Variants in KIF13B observed in about 807,000 individuals in gnomAD.
KIF13B encodes kinesin family member 13B, also known as kinesin-like protein KIF13B.
In KIF13B, 127 loss-of-function variants were observed where a neutral mutation model predicts 222.0. The ratio of observed to expected loss-of-function variants is 0.57; its 90% confidence interval spans 0.50 to 0.66. The LOEUF (loss-of-function observed/expected upper bound fraction) is 0.66. Ranked by LOEUF, KIF13B falls within the 30% of genes least tolerant of loss-of-function variation. The pLI is 0.00. For missense variants in KIF13B, 2,173 were observed against 2,379.0 expected, an observed-to-expected ratio of 0.91 and a Z score of 1.80; for synonymous variants, 976 against 919.0, an observed-to-expected ratio of 1.06 and a Z score of -1.12.
chr8:29,162,142 T>C (rs1348901237), intron 12 of KIF13B, among the ~76,000 whole-genome samples: 1 of 152,134 alleles, frequency 6.6e-6, no homozygotes, highest in Non-Finnish European at 1.5e-5. Flanking sequence ...GGAGAGGGTA[T>C]CTTCGACTAT....
chr8:29,198,147 G>T (rs749867266), intron 2 of KIF13B, among the ~76,000 whole-genome samples: 15 of 152,288 alleles, frequency 9.8e-5, no homozygotes, highest in Non-Finnish European at 1.8e-4. Context: ...ACCTGTTTAA[G>T]AGATTTTGGA....
chr8:29,095,548 C>T (rs1808483451), intron 36 of KIF13B, among the ~76,000 whole-genome samples: 1 of 152,190 alleles, frequency 6.6e-6, no homozygotes, highest in Admixed American at 6.5e-5. Flanking sequence ...GGGTGGATCA[C>T]CTGAGGCCTG....
At chr8:29,135,978 A>G (rs1232539367) in intron 21 of KIF13B, among the ~76,000 whole-genome samples, 1 of 145,870 alleles carries the variant, frequency 6.9e-6, no homozygotes, top group African/African-American at 2.5e-5. Flanking sequence ...TTTCTTCCAT[A>G]CTAGACATAT....
At chr8:29,082,378 C>T (rs775891226) in intron 37 of KIF13B, among the ~76,000 whole-genome samples, 2 of 152,068 alleles carry the variant, frequency 1.3e-5, no homozygotes, top group Non-Finnish European at 2.9e-5. Context: ...TCCAGAGTTA[C>T]TGGAAAAGAT....
chr8:29,181,869 C>A, intron 7 of KIF13B, 50 bp downstream of exon 7: 1 of 1,254,268 alleles, frequency 8.0e-7, no homozygotes. Context: ...AAAAAAGAGC[C>A]CCACCCTACT....
In KIF13B at chr8:29,165,746, G is replaced by A. The variant is rs1563754341; in HGVS notation, c.1185C>T (p.Asp395=). 1.2e-6 allele frequency: 2 copies of A among 1,613,276 alleles called. No homozygotes were observed. Among genetic ancestry groups the A allele is most frequent in the African/African-American group, 1.3e-5 (1 of 74,906 alleles). Residue 395 remains aspartate, a synonymous_variant, in exon 12 of 40, where the codon GAC becomes GAT. Coordinates refer to ENST00000524189, the MANE Select transcript of KIF13B (RefSeq NM_015254.4). ...TTAGCTTCTCAGATTCTTCCAGCCG[G>A]TCCTTTAGCTCTGGAGATTTCATTG... ...AEAMKSPELK[D]RLEESEKLIQ... is the part of the protein sequence containing the mutation.
chr8:29,247,857 A>G (rs1039555550), intron 1 of KIF13B, among the ~76,000 whole-genome samples: 28 of 144,822 alleles, frequency 1.9e-4, no homozygotes, highest in African/African-American at 7.4e-4. Context: ...AAAAAAAAAA[A>G]GACAAATAAT....
chr8:29,097,430 T>C (rs1808583618), intron 36 of KIF13B, among the ~76,000 whole-genome samples: 1 of 152,218 alleles, frequency 6.6e-6, no homozygotes, highest in Non-Finnish European at 1.5e-5. Context: ...ACTGATGGAA[T>C]AGGCCTCCAC....
chr8:29,243,914 T>C (rs946757027), intron 2 of KIF13B, among the ~76,000 whole-genome samples: 1 of 152,220 alleles, frequency 6.6e-6, no homozygotes, highest in Admixed American at 6.5e-5. Context: ...GAAAAAACTT[T>C]TGTGAGACAC....
chr8:29,201,097 C>T (rs895451611), intron 2 of KIF13B, among the ~76,000 whole-genome samples: 1 of 152,188 alleles, frequency 6.6e-6, no homozygotes, highest in Admixed American at 6.5e-5. Flanking sequence ...CATACTTTCA[C>T]CTGCAAATTT....
In KIF13B at chr8:29,099,127, A is replaced by G. The variant is rs1808673569; in HGVS notation, c.4324+6T>C. The G allele has an allele frequency of 6.3e-7, 1 of 1,597,556 alleles. No homozygotes were observed. The highest frequency in any genetic ancestry group is 1.3e-5 in the African/African-American group (1 of 74,586). The stretch of plus-strand genomic sequence containing the variant: ...ACAGTAATTGACAAGTGAAAAGATA[A>G]CTTACCTGGATCTGGAGAATGGTTA... On this transcript the variant is annotated splice_donor_region_variant and intron_variant, in intron 36 of 39. Coordinates refer to ENST00000524189, the MANE Select transcript of KIF13B (RefSeq NM_015254.4).
At chr8:29,133,279 AAAC>A (rs893299987) in intron 22 of KIF13B, among the ~76,000 whole-genome samples, 14 of 152,190 alleles carry the variant, frequency 9.2e-5, no homozygotes, top group East Asian at 1.9e-4. Context: ...GGGAAAAAAC[AAAC>A]AACAACAACA....
intron 37 of KIF13B, among the ~76,000 whole-genome samples, chr8:29,090,117 A>C (rs1028087971): frequency 2.0e-5 from 3 of 152,172 alleles, no homozygotes; most frequent in African/African-American, 7.2e-5. Flanking sequence ...TAGGCTAAAA[A>C]GGCAGCTTAT....
chr8:29,228,890 GAT>G (rs1164725957), intron 2 of KIF13B, among the ~76,000 whole-genome samples: 1 of 152,014 alleles, frequency 6.6e-6, no homozygotes, highest in Non-Finnish European at 1.5e-5. Flanking sequence ...AAACGGCTTA[GAT>G]CAGTTCATAA....
Position 29,099,187 on chromosome 8 carries a change from C to G in KIF13B, c.4270G>C (p.Ala1424Pro), listed in dbSNP as rs1159154849. ...VSQTTVSRGIAPAPALSVSPQ... is the reference protein window; with the variant it reads ...VSQTTVSRGIPPAPALSVSPQ... ...GAAACAGAGAGGGCGGGGGCAGGAG[C>G]TATTCCTCTGGAAACTGTGGTTTGG... is the stretch of plus-strand genomic sequence containing the variant. Residue 1424 changes from alanine (A) to proline (P), a missense_variant, in exon 36 of 40, where the codon GCT becomes CCT. This residue lies in a region of KIF13B where 693 missense variants were observed against 656.2 expected (regional missense o/e 1.06). Transcript: ENST00000524189. 1 of 1,613,714 alleles carries G rather than the reference C, an allele frequency of 6.2e-7. No homozygotes were observed. Among genetic ancestry groups the G allele is most frequent in the South Asian group, 1.1e-5 (1 of 91,076 alleles).
chr8:29,191,919 C>T (rs899393464), intron 3 of KIF13B, among the ~76,000 whole-genome samples: 15 of 152,136 alleles, frequency 9.9e-5, no homozygotes, highest in African/African-American at 1.2e-4. Context: ...AAATGTATCT[C>T]GGTTCACATT....
chr8:29,206,188 G>T (rs35993336), intron 2 of KIF13B, among the ~76,000 whole-genome samples: 1 of 152,142 alleles, frequency 6.6e-6, no homozygotes, highest in South Asian at 2.1e-4. Flanking sequence ...ACTTTCGGAG[G>T]CCAAGGCGGG....
intron 38 of KIF13B, among the ~76,000 whole-genome samples, chr8:29,073,151 A>G (rs1459844025): frequency 1.4e-5 from 1 of 70,380 alleles, no homozygotes; most frequent in African/African-American, 6.0e-5. Flanking sequence ...GAGGAGGGGG[A>G]CGAGGAGGGG....
At chr8:29,079,941 G>A (rs185628811) in intron 37 of KIF13B, among the ~76,000 whole-genome samples, 76 of 152,230 alleles carry the variant, frequency 5.0e-4, no homozygotes, top group Middle Eastern at 3.4e-3. Flanking sequence ...TTTTCCTGCT[G>A]CTGAAGCGTG....
Sources: gnomAD v4.1 joint callset for allele counts (sites outside exome capture counted in the v4.1 genomes callset) on GRCh38, gnomAD v4.1.1 for gene constraint, gnomAD v4.1.1 regional missense constraint, MANE v1.5 for transcripts, NCBI Gene and HGNC (gene_info 2026-07-23, HGNC 2026-07-21) for gene names.